The following CDH18 variants were observed in gnomAD, a reference collection of about 807,000 sequenced individuals.
CDH18 encodes the protein cadherin 18.
A neutral mutation model predicts 67.9 loss-of-function variants in CDH18; 31 were observed. The ratio of observed to expected loss-of-function variants is 0.46; its 90% confidence interval spans 0.34 to 0.62. The LOEUF (loss-of-function observed/expected upper bound fraction) is 0.62. Among genes scored for constraint, CDH18 ranks in the 20% least tolerant of loss-of-function variants. The pLI is 0.01. For synonymous variants in CDH18, 362 were observed against 347.2 expected (o/e 1.04, Z -0.48); for missense variants, 890 against 975.5 (o/e 0.91, Z 1.17).
chr5:20,066,854 TA>T (rs1743020338), intron 2 of CDH18, among the ~76,000 whole-genome samples: 2 of 151,980 alleles, frequency 1.3e-5, no homozygotes, highest in Non-Finnish European at 2.9e-5. Flanking sequence ...CAAATAAATT[TA>T]TTTTTTTACA....
chr5:19,770,138 C>T (rs569900990), intron 3 of CDH18, among the ~76,000 whole-genome samples: 1 of 151,944 alleles, frequency 6.6e-6, no homozygotes, highest in Non-Finnish European at 1.5e-5. Flanking sequence ...GTGGTGTAGC[C>T]ATTTTGATAA....
intron 3 of CDH18, among the ~76,000 whole-genome samples, chr5:19,757,001 T>C (rs1236052163): frequency 6.6e-6 from 1 of 151,984 alleles, no homozygotes; most frequent in East Asian, 2.0e-4. Flanking sequence ...TAGTTGGTGT[T>C]GTAATTGTGA....
intron 2 of CDH18, among the ~76,000 whole-genome samples, chr5:20,064,208 C>T (rs1473086450): frequency 6.6e-6 from 1 of 152,106 alleles, no homozygotes; most frequent in Non-Finnish European, 1.5e-5. Context: ...ATGGCAGTGA[C>T]AAATAATCTC....
At chr5:19,817,098 A>G (rs72740837) in intron 3 of CDH18, among the ~76,000 whole-genome samples, 1 of 151,872 alleles carries the variant, frequency 6.6e-6, no homozygotes, top group Non-Finnish European at 1.5e-5. Flanking sequence ...AAATAATTAC[A>G]TCTCCTCAAA....
chr5:20,011,573 A>T (rs1737439917), intron 2 of CDH18, among the ~76,000 whole-genome samples: 1 of 152,094 alleles, frequency 6.6e-6, no homozygotes. Context: ...ATTATTCAGG[A>T]TGATATTGGC....
At chr5:20,420,810 TATA>T (rs1057114156) in intron 1 of CDH18, among the ~76,000 whole-genome samples, 12 of 151,400 alleles carry the variant, frequency 7.9e-5, no homozygotes, top group Middle Eastern at 6.8e-3. Flanking sequence ...AATTCAGAAC[TATA>T]ATAACTTTTA....
intron 2 of CDH18, among the ~76,000 whole-genome samples, chr5:20,056,039 C>A (rs1434838214): frequency 4.0e-5 from 5 of 125,358 alleles, no homozygotes; most frequent in African/African-American, 1.5e-4. Context: ...GAGTCTCACT[C>A]CGTTACCCAG....
At chr5:19,835,832 G>C (rs1781560465) in intron 3 of CDH18, among the ~76,000 whole-genome samples, 1 of 152,090 alleles carries the variant, frequency 6.6e-6, no homozygotes, top group South Asian at 2.1e-4. Context: ...TTTTATACCT[G>C]TGCATTTGTC....
chr5:20,297,664 C>G (rs1356559412), intron 1 of CDH18, among the ~76,000 whole-genome samples: 1 of 152,124 alleles, frequency 6.6e-6, no homozygotes, highest in Admixed American at 6.6e-5. Context: ...GGTGAAATAA[C>G]TAGTGCCAAA....
chr5:19,899,077 C>T (rs976458495), intron 2 of CDH18, among the ~76,000 whole-genome samples: 2 of 152,134 alleles, frequency 1.3e-5, no homozygotes, highest in African/African-American at 2.4e-5. Flanking sequence ...TGCTAATAAT[C>T]AGCAAAATGC....
intron 1 of CDH18, among the ~76,000 whole-genome samples, chr5:20,556,333 G>T (rs10520868): frequency 0.027 from 4,108 of 152,204 alleles, 95 homozygotes; most frequent in African/African-American, 0.064. Flanking sequence ...GACGAATGTG[G>T]TAAAGGGACC....
intron 1 of CDH18, among the ~76,000 whole-genome samples, chr5:20,384,676 A>C (rs763960415): frequency 1.2e-4 from 18 of 152,130 alleles, no homozygotes; most frequent in Non-Finnish European, 2.4e-4. Context: ...TTTCCATACT[A>C]GCTATAATAA....
intron 2 of CDH18, among the ~76,000 whole-genome samples, chr5:20,112,506 G>A (rs1747562474): frequency 6.6e-6 from 1 of 152,114 alleles, no homozygotes; most frequent in Non-Finnish European, 1.5e-5. Flanking sequence ...TGCTTTATAA[G>A]TTAGAGGAAT....
intron 2 of CDH18, among the ~76,000 whole-genome samples, chr5:19,912,635 T>C (rs11948849): frequency 0.12 from 18,307 of 152,246 alleles, 1,531 homozygotes; most frequent in Non-Finnish European, 0.17. Context: ...TATTTCATCT[T>C]ACAAATTCAT....
chr5:19,869,775 G>A (rs1298019856), intron 2 of CDH18, among the ~76,000 whole-genome samples: 2 of 152,038 alleles, frequency 1.3e-5, no homozygotes, highest in African/African-American at 4.8e-5. Flanking sequence ...GACAGCTAAT[G>A]AGTAGTTCCG....
chr5:20,413,507 A>G (rs1024909776), intron 1 of CDH18, among the ~76,000 whole-genome samples: 14 of 152,078 alleles, frequency 9.2e-5, no homozygotes, highest in African/African-American at 3.4e-4. Context: ...AGCCCTTCCA[A>G]CTGGTGTGGG....
At chr5:20,524,755 TTTATCAGTGTTCTAG>T (rs1182395427) in intron 1 of CDH18, among the ~76,000 whole-genome samples, 1 of 152,166 alleles carries the variant, frequency 6.6e-6, no homozygotes, top group Admixed American at 6.6e-5. Context: ...TTCCAGGTCC[TTTATCAGTGTTCTAG>T]CTATCAAAAA....
At chr5:20,568,201 C>T (rs755725849) in intron 1 of CDH18, among the ~76,000 whole-genome samples, 11 of 152,088 alleles carry the variant, frequency 7.2e-5, no homozygotes, top group Non-Finnish European at 8.8e-5. Flanking sequence ...GCAACTTAAC[C>T]TAGTGTTAAA....
intron 1 of CDH18, among the ~76,000 whole-genome samples, chr5:20,286,957 T>C (rs1335447852): frequency 2.6e-5 from 4 of 151,726 alleles, no homozygotes. Context: ...ACCTAGAAAA[T>C]AGTTGTTTTG....
Sources: gnomAD v4.1 joint callset for allele counts (sites outside exome capture counted in the v4.1 genomes callset) on GRCh38, gnomAD v4.1.1 for gene constraint, MANE v1.5 for transcripts, NCBI Gene and HGNC (gene_info 2026-07-23, HGNC 2026-07-21) for gene names.